HSD17B12: variants seen among roughly 807,000 people sequenced by gnomAD.
The protein encoded by HSD17B12 is hydroxysteroid 17-beta dehydrogenase 12.
HSD17B12 carries 32 observed loss-of-function variants against 39.3 expected under a neutral mutation model. The observed-to-expected ratio is 0.81, with a 90% confidence interval of 0.61 to 1.09. The LOEUF (loss-of-function observed/expected upper bound fraction) is 1.09. Ranked by LOEUF, HSD17B12 falls within the 50% of genes least tolerant of loss-of-function variation. HSD17B12 has a pLI of 0.00. For missense variants in HSD17B12, 342 were observed against 382.9 expected, an observed-to-expected ratio of 0.89 and a Z score of 0.89; for synonymous variants, 150 against 146.7, an observed-to-expected ratio of 1.02 and a Z score of -0.16.
chr11:43,699,759 G>A (rs1377564047), intron 1 of HSD17B12, among the ~76,000 whole-genome samples: 2 of 152,036 alleles, frequency 1.3e-5, no homozygotes, highest in Admixed American at 1.3e-4. Flanking sequence ...GATAGAGAAG[G>A]GAATTCAGCC....
the HSD17B12 span, among the ~76,000 whole-genome samples, chr11:43,601,108 T>C: frequency 2.0e-5 from 3 of 151,924 alleles, no homozygotes; most frequent in African/African-American, 7.2e-5. Flanking sequence ...TCTTTATTTA[T>C]TTATTTTTAA....
the HSD17B12 span, among the ~76,000 whole-genome samples, chr11:43,575,008 GGC>G: frequency 6.6e-6 from 1 of 152,166 alleles, no homozygotes; most frequent in South Asian, 2.1e-4. The surrounding 1 kb of genome is among the most constrained non-coding windows in gnomAD (Gnocchi z 4.1). Context: ...CTCCCCTCTG[GGC>G]GCTCCCCACC....
the HSD17B12 span, among the ~76,000 whole-genome samples, chr11:43,598,474 A>G: frequency 6.6e-6 from 1 of 151,288 alleles, no homozygotes; most frequent in Non-Finnish European, 1.5e-5. Flanking sequence ...ATTTCTGTCC[A>G]CGCGAGTATG....
At chr11:43,787,737 G>A (rs565969160) in intron 3 of HSD17B12, among the ~76,000 whole-genome samples, 43 of 124,388 alleles carry the variant, frequency 3.5e-4, no homozygotes, top group African/African-American at 1.1e-3. Flanking sequence ...ACTCCGTCTC[G>A]GAAAAAAAAA....
At chr11:43,657,891 C>G in the HSD17B12 span, among the ~76,000 whole-genome samples, 3 of 152,142 alleles carry the variant, frequency 2.0e-5, no homozygotes, top group Admixed American at 2.0e-4. Flanking sequence ...TGGAGTTGCT[C>G]TTCTTGAGGA....
At chr11:43,668,394 C>A in the HSD17B12 span, among the ~76,000 whole-genome samples, 1 of 152,164 alleles carries the variant, frequency 6.6e-6, no homozygotes, top group Non-Finnish European at 1.5e-5. Flanking sequence ...TTTTAAGGAC[C>A]TCCCCTGTGA....
At chr11:43,640,101 G>T in the HSD17B12 span, among the ~76,000 whole-genome samples, 3 of 151,936 alleles carry the variant, frequency 2.0e-5, no homozygotes, top group Non-Finnish European at 4.4e-5. Context: ...CTGGGGAGAA[G>T]AATGTTAGGC....
chr11:43,750,751 G>A (rs545174747), intron 1 of HSD17B12, among the ~76,000 whole-genome samples, 160 bp from the exon 2 acceptor site: 6 of 152,096 alleles, frequency 3.9e-5, no homozygotes, highest in Admixed American at 6.6e-5. Flanking sequence ...TTTAGCTATT[G>A]CGGTGTGTAT....
At chr11:43,628,562 T>C in the HSD17B12 span, among the ~76,000 whole-genome samples, 5 of 152,108 alleles carry the variant, frequency 3.3e-5, no homozygotes, top group African/African-American at 4.8e-5. Flanking sequence ...TGTTTTAACC[T>C]GCATTATAGC....
chr11:43,769,187 G>A (rs770076437), intron 3 of HSD17B12, among the ~76,000 whole-genome samples: 7 of 152,196 alleles, frequency 4.6e-5, no homozygotes, highest in Non-Finnish European at 7.3e-5. Context: ...TGATCCGCCT[G>A]CCTCAGCCTC....
the HSD17B12 span, among the ~76,000 whole-genome samples, chr11:43,569,154 CTCCAATTTCACTGCCAGTGTG>C: frequency 6.6e-6 from 1 of 152,152 alleles, no homozygotes; most frequent in African/African-American, 2.4e-5. Context: ...GGGTTCGGGT[CTCCAATTTCACTGCCAGTGTG>C]TCTCTAAATC....
At chr11:43,779,883 A>G (rs1454444355) in intron 3 of HSD17B12, among the ~76,000 whole-genome samples, 3 of 151,892 alleles carry the variant, frequency 2.0e-5, no homozygotes, top group Admixed American at 6.5e-5. Flanking sequence ...ACTACTGTTT[A>G]TCATCCTGGT....
the HSD17B12 span, among the ~76,000 whole-genome samples, chr11:43,669,792 A>G: frequency 5.9e-5 from 9 of 152,294 alleles, no homozygotes; most frequent in South Asian, 1.9e-3. Flanking sequence ...CTAATCCTTT[A>G]TGACCTCATC....
intron 1 of HSD17B12, among the ~76,000 whole-genome samples, chr11:43,750,575 CT>C (rs1950456735): frequency 1.3e-5 from 2 of 152,100 alleles, no homozygotes; most frequent in Admixed American, 6.6e-5. Flanking sequence ...GCATTTCTGT[CT>C]CTTGAGAATT....
intron 3 of HSD17B12, among the ~76,000 whole-genome samples, chr11:43,794,146 G>A (rs963753312): frequency 6.6e-6 from 1 of 152,176 alleles, no homozygotes; most frequent in African/African-American, 2.4e-5. Context: ...ATAAAGTTGG[G>A]ATGGGTCATG....
intron 1 of HSD17B12, among the ~76,000 whole-genome samples, chr11:43,702,870 G>A (rs1949978158): frequency 6.6e-6 from 1 of 152,044 alleles, no homozygotes; most frequent in Admixed American, 6.6e-5. Flanking sequence ...TTTATGTGTG[G>A]CCCAAGGTAA....
At chr11:43,598,966 A>T in the HSD17B12 span, among the ~76,000 whole-genome samples, 1 of 152,142 alleles carries the variant, frequency 6.6e-6, no homozygotes, top group Non-Finnish European at 1.5e-5. Flanking sequence ...TAAAAATCTG[A>T]GTTTGGTTGC....
chr11:43,783,847 C>T (rs1490623962), intron 3 of HSD17B12, among the ~76,000 whole-genome samples: 1 of 152,094 alleles, frequency 6.6e-6, no homozygotes, highest in Admixed American at 6.6e-5. Context: ...TTATTTAACT[C>T]ACTTAAAAAT....
the HSD17B12 span, among the ~76,000 whole-genome samples, chr11:43,578,272 C>T: frequency 1.3e-5 from 2 of 152,120 alleles, no homozygotes; most frequent in African/African-American, 4.8e-5. Context: ...AGAGAAGAGA[C>T]CAGGTCTCTC....
Sources: allele counts gnomAD v4.1 joint callset (sites outside exome capture counted in the v4.1 genomes callset), GRCh38; gene constraint gnomAD v4.1.1; non-coding constraint Gnocchi (gnomAD v3.1); transcripts MANE v1.5; gene names NCBI Gene and HGNC (gene_info 2026-07-23, HGNC 2026-07-21).